The following PLXNA2 variants were observed in gnomAD, a reference collection of about 807,000 sequenced individuals.
PLXNA2 encodes the protein plexin A2.
Under a neutral mutation model 193.5 loss-of-function variants are expected in PLXNA2, and 91 were observed. That is an observed-to-expected ratio of 0.47 (90% CI 0.40 to 0.56). The LOEUF (loss-of-function observed/expected upper bound fraction) is 0.56. Among genes scored for constraint, PLXNA2 ranks in the 20% least tolerant of loss-of-function variants. The probability of loss-of-function intolerance (pLI) is 0.00; values close to 1 mark genes in which losing one functional copy is unlikely to be tolerated. For missense variants in PLXNA2, 1,995 were observed against 2,503.2 expected, an observed-to-expected ratio of 0.80 and a Z score of 4.33; for synonymous variants, 997 against 1,027.3, an observed-to-expected ratio of 0.97 and a Z score of 0.56.
In PLXNA2 at chr1:208,121,800, T is replaced by C. The variant is rs1354143163; in HGVS notation, c.1507-18553A>G. Reference sequence around the variant, plus strand: ...TGTACTCCATTACTCCACAAACCCATACCCATACTCGTGTACACACACTCA... The same window carrying C: ...TGTACTCCATTACTCCACAAACCCACACCCATACTCGTGTACACACACTCA... On this transcript the variant is annotated intron_variant, in intron 4 of 31. Transcript: ENST00000367033. 2.0e-5 allele frequency among the ~76,000 whole-genome samples: 3 copies of C among 152,038 alleles called. No individual in the cohort carries two copies. The East Asian group carries it at 5.8e-4, about 29-fold the overall frequency.
chr1:208,139,142 T>A (rs1668394355), intron 4 of PLXNA2, among the ~76,000 whole-genome samples: 1 of 152,242 alleles, frequency 6.6e-6, no homozygotes, highest in Admixed American at 6.5e-5. Flanking sequence ...TATCATCTTC[T>A]GGAGAGAGAC....
chr1:208,103,461 C>A lies in PLXNA2; in HGVS notation c.1507-214G>T, dbSNP rs983799890. Among the ~76,000 whole-genome samples the A allele has an allele frequency of 2.5e-4, 38 of 152,228 alleles. 1 individual carries two copies. Among genetic ancestry groups the A allele is most frequent in the African/African-American group, 9.6e-5 (4 of 41,466 alleles). ...GTGTCTCTGAGTGGCAGCCCTAAGACTTCTTGCCTTCGCGAGAGGTAGCAG... is the reference window on the plus strand; with the variant it reads ...GTGTCTCTGAGTGGCAGCCCTAAGAATTCTTGCCTTCGCGAGAGGTAGCAG... On this transcript the variant is annotated intron_variant, in intron 4 of 31. Coordinates refer to ENST00000367033, the MANE Select transcript of PLXNA2 (RefSeq NM_025179.4).
intron 4 of PLXNA2, among the ~76,000 whole-genome samples, chr1:208,133,935 C>T (rs1017452703): frequency 3.3e-5 from 5 of 152,188 alleles, no homozygotes; most frequent in Non-Finnish European, 5.9e-5. Context: ...CTTCCCATCT[C>T]CTGGTCATAG....
intron 10 of PLXNA2, among the ~76,000 whole-genome samples, chr1:208,084,173 C>T (rs1168520897): frequency 1.3e-5 from 2 of 152,240 alleles, no homozygotes; most frequent in African/African-American, 2.4e-5. Flanking sequence ...CATGAGGGTC[C>T]TCACGGAACT....
At chr1:208,146,539 CTG>C (rs1284453497) in intron 3 of PLXNA2, among the ~76,000 whole-genome samples, 2 of 152,112 alleles carry the variant, frequency 1.3e-5, no homozygotes, top group Admixed American at 1.3e-4. Context: ...TAGTTTAAGT[CTG>C]TGATTTTTCT....
At chr1:208,157,723 A>T (rs1167328104) in intron 3 of PLXNA2, among the ~76,000 whole-genome samples, 1 of 152,210 alleles carries the variant, frequency 6.6e-6, no homozygotes, top group Non-Finnish European at 1.5e-5. Flanking sequence ...GTATTTGAGA[A>T]CAGTGTGCTT....
rs1664420365 is a variant in PLXNA2, at chr1:208,028,938, G to T, written c.5330C>A (p.Thr1777Asn). The T allele has an allele frequency of 1.9e-6, 3 of 1,614,164 alleles. No homozygotes were observed. Among genetic ancestry groups the T allele is most frequent in the South Asian group, 1.1e-5 (1 of 91,066 alleles). Reference protein sequence around the residue: ...TDACLSVVAQTFMDSCSTSEH... With the variant: ...TDACLSVVAQNFMDSCSTSEH... Reference sequence around the variant, plus strand: ...TGACGTTGAACAAGAGTCCATGAAGGTCTGGGCCACCACAGAGAGGCAGGC... The same window carrying T: ...TGACGTTGAACAAGAGTCCATGAAGTTCTGGGCCACCACAGAGAGGCAGGC... Residue 1777 changes from threonine to asparagine, a missense_variant, in exon 30 of 32, where the codon ACC (threonine) becomes AAC (asparagine). Physicochemically the swap from Thr to Asn is moderately conservative, Grantham distance 65. Around this residue, in one of 3 missense-constraint regions of PLXNA2, gnomAD observed 1,291 missense variants for 1,673.6 expected, o/e 0.77. Coordinates refer to ENST00000367033, the MANE Select transcript of PLXNA2 (RefSeq NM_025179.4). This position sits in a 1 kb window ranked among gnomAD's most constrained non-coding sequence, Gnocchi z 4.2.
intron 3 of PLXNA2, among the ~76,000 whole-genome samples, chr1:208,172,566 C>G (rs1669528882): frequency 6.6e-6 from 1 of 152,196 alleles, no homozygotes; most frequent in Non-Finnish European, 1.5e-5. Flanking sequence ...CATGCCCTGA[C>G]ACTTATCTCA....
intron 3 of PLXNA2, among the ~76,000 whole-genome samples, chr1:208,156,975 A>T (rs1668959298): frequency 6.6e-6 from 1 of 152,222 alleles, no homozygotes; most frequent in Non-Finnish European, 1.5e-5. Flanking sequence ...GTTGCATGGA[A>T]GTCACAGCCT....
rs1424871958 is a variant in PLXNA2, at chr1:208,216,885, A to C, written c.1038T>G (p.Tyr346Ter). ...GGGCAGAGTCATCGGGCGGGTGGTG[A>C]TACTGCTTCTGCCCTTTGGAGAAGA... is the stretch of plus-strand genomic sequence containing the variant. ...FAIFSKGQKQ[Y>*]HHPPDDSALC... Residue 346 changes from tyrosine (Y) to a stop codon, truncating the protein, a stop_gained, in exon 2 of 32, where the codon TAT becomes TAG. Coordinates refer to ENST00000367033, the MANE Select transcript of PLXNA2 (RefSeq NM_025179.4). LOFTEE classifies it high-confidence loss of function. 1 of 1,614,080 alleles carries C rather than the reference A, an allele frequency of 6.2e-7. No individual in the cohort carries two copies. Among genetic ancestry groups the C allele is most frequent in the Non-Finnish European group, 8.5e-7 (1 of 1,180,040 alleles).
chr1:208,073,270 G>A (rs1666030826), intron 12 of PLXNA2, among the ~76,000 whole-genome samples: 1 of 152,188 alleles, frequency 6.6e-6, no homozygotes, highest in South Asian at 2.1e-4. Flanking sequence ...CAGAAGACCT[G>A]TATCCCTGCT....
chr1:208,073,547 T>G (rs1403298135), intron 12 of PLXNA2, among the ~76,000 whole-genome samples: 1 of 152,198 alleles, frequency 6.6e-6, no homozygotes, highest in Non-Finnish European at 1.5e-5. Flanking sequence ...ATTCATTTAA[T>G]GAGTGAATTA....
At chr1:208,114,640 C>T (rs1414341694) in intron 4 of PLXNA2, among the ~76,000 whole-genome samples, 4 of 152,372 alleles carry the variant, frequency 2.6e-5, no homozygotes, top group East Asian at 1.9e-4. Context: ...TCCACTATCT[C>T]GCAGCTTTCC....
At chr1:208,171,504 G>T (rs1433210431) in intron 3 of PLXNA2, among the ~76,000 whole-genome samples, 1 of 152,138 alleles carries the variant, frequency 6.6e-6, no homozygotes, top group Non-Finnish European at 1.5e-5. Flanking sequence ...TACCTAACCT[G>T]CTCGCTAACC....
chr1:208,038,785 C>T lies in PLXNA2; in HGVS notation c.4660+40G>A, dbSNP rs200873024. ...CATGGCAGCTTCCCTTCCTTCACCT[C>T]TCAACCCCTGCCCTCACACTCTGAG... On this transcript the variant is annotated intron_variant, in intron 25 of 31. Transcript: ENST00000367033. The surrounding 1 kb of genome is among the most constrained non-coding windows in gnomAD (Gnocchi z 4.1). 1.3e-6 allele frequency: 2 copies of T among 1,599,592 alleles called. No homozygotes were observed. The highest frequency in any genetic ancestry group is 2.2e-5 in the East Asian group (1 of 44,784).
At chr1:208,235,691 C>CT (rs1401978414) in intron 1 of PLXNA2, among the ~76,000 whole-genome samples, 10 of 152,184 alleles carry the variant, frequency 6.6e-5, no homozygotes, top group African/African-American at 2.2e-4. Flanking sequence ...CTGTTTGATT[C>CT]TTTGACACCA....
chr1:208,132,911 G>A (rs1668201419), intron 4 of PLXNA2, among the ~76,000 whole-genome samples: 1 of 152,166 alleles, frequency 6.6e-6, no homozygotes, highest in Admixed American at 6.5e-5. Flanking sequence ...CTTGCCCAAG[G>A]TCACATGGCA....
rs1026070126 is a variant in PLXNA2 at position 208,167,726 on chromosome 1, C to T, written c.1372-25263G>A. 3.3e-5 allele frequency among the ~76,000 whole-genome samples: 5 copies of T among 152,212 alleles called. No homozygotes were observed. The East Asian group carries it at 5.8e-4, about 18-fold the overall frequency. On this transcript the variant is annotated intron_variant, in intron 3 of 31. Transcript: ENST00000367033. ...CTAACGGGAGTGAGCAGCAGCAGCC[C>T]GCACGTGGTGCATAATGACTATGTT...
At chr1:208,202,132 G>T (rs756208017) in intron 3 of PLXNA2, among the ~76,000 whole-genome samples, 90 of 151,824 alleles carry the variant, frequency 5.9e-4, no homozygotes, top group Non-Finnish European at 1.1e-3. Context: ...GCACAATGCC[G>T]CCATGCCCGG....
Sources: allele counts gnomAD v4.1 joint callset (sites outside exome capture counted in the v4.1 genomes callset), GRCh38; gene constraint gnomAD v4.1.1; regional missense constraint gnomAD v4.1.1; non-coding constraint Gnocchi (gnomAD v3.1); transcripts MANE v1.5; gene names NCBI Gene and HGNC (gene_info 2026-07-23, HGNC 2026-07-21).